The following GRIK2 variants were observed in gnomAD, a reference collection of about 807,000 sequenced individuals.
The protein encoded by GRIK2 is glutamate ionotropic receptor kainate type subunit 2.
In GRIK2, 32 loss-of-function variants were observed where a neutral mutation model predicts 100.3. The observed-to-expected ratio is 0.32, with a 90% CI of 0.24 to 0.43. GRIK2 has a LOEUF of 0.43. Among genes scored for constraint, GRIK2 ranks in the 20% least tolerant of loss-of-function variants. The pLI, the probability that GRIK2 is intolerant of heterozygous loss-of-function variation, is 1.00. For missense variants in GRIK2, 843 were observed against 1,114.9 expected, an observed-to-expected ratio of 0.76 and a Z score of 3.47; for synonymous variants, 417 against 389.4, an observed-to-expected ratio of 1.07 and a Z score of -0.83.
chr6:101,754,600 G>A (rs564437574), intron 7 of GRIK2, among the ~76,000 whole-genome samples: 2 of 152,276 alleles, frequency 1.3e-5, no homozygotes, highest in East Asian at 1.9e-4. Flanking sequence ...GTCTCACGAG[G>A]GAAATAGACA....
intron 7 of GRIK2, among the ~76,000 whole-genome samples, chr6:101,713,256 T>C (rs1773838399): frequency 6.6e-6 from 1 of 151,116 alleles, no homozygotes; most frequent in Admixed American, 6.6e-5. Context: ...CTGATTTGTA[T>C]GCATGAAAAA....
chr6:101,909,814 A>C (rs1027415749), intron 12 of GRIK2, among the ~76,000 whole-genome samples: 1 of 151,232 alleles, frequency 6.6e-6, no homozygotes, highest in Non-Finnish European at 1.5e-5. Context: ...ATTAATTCTC[A>C]TTAACCAGAA....
intron 4 of GRIK2, among the ~76,000 whole-genome samples, chr6:101,640,948 T>G (rs1483821255): frequency 1.3e-5 from 2 of 152,146 alleles, no homozygotes; most frequent in African/African-American, 4.8e-5. Flanking sequence ...CAAGCATAAT[T>G]TTTTAGTGAT....
intron 2 of GRIK2, among the ~76,000 whole-genome samples, chr6:101,451,031 G>A (rs535424020): frequency 1.3e-5 from 2 of 151,640 alleles, no homozygotes; most frequent in Admixed American, 6.6e-5. Flanking sequence ...CTCCTTTCCC[G>A]CTCTATTTTT....
intron 12 of GRIK2, among the ~76,000 whole-genome samples, chr6:101,915,637 GA>G (rs1199886250): frequency 1.1e-4 from 16 of 151,460 alleles, no homozygotes; most frequent in Non-Finnish European, 2.2e-4. Flanking sequence ...TTTTACAGAA[GA>G]TTCTTGTAGT....
chr6:101,777,935 C>A (rs747807205), intron 7 of GRIK2, among the ~76,000 whole-genome samples: 2 of 152,154 alleles, frequency 1.3e-5, no homozygotes, highest in Middle Eastern at 3.2e-3. Flanking sequence ...TTCACTGTAC[C>A]TCTGGGGGGT....
At position 102,060,903 on chromosome 6, in the gene GRIK2, A is replaced by G. The variant is rs1771717737; in HGVS notation, c.2562+5323A>G. On this transcript the variant is annotated intron_variant, in intron 16 of 16. Coordinates refer to ENST00000369134, the MANE Select transcript of GRIK2 (RefSeq NM_021956.5). ...TGTTGATTCTTGTCAGACCTTATGT[A>G]TTAATTTTTTAACTTGTTCTTCACA... Among the ~76,000 whole-genome samples the G allele has an allele frequency of 8.0e-5, 12 of 150,518 alleles. No homozygotes were observed. In the Admixed American group the frequency reaches 8.0e-4, roughly 10 times the overall value.
intron 2 of GRIK2, among the ~76,000 whole-genome samples, chr6:101,448,054 G>C (rs1165027103): frequency 6.6e-6 from 1 of 151,634 alleles, no homozygotes; most frequent in African/African-American, 2.4e-5. Flanking sequence ...GCCAGATCAA[G>C]CATTGGCTTG....
Position 102,055,442 on chromosome 6 carries a change from G to A in GRIK2, c.2424G>A (p.Glu808=), listed in dbSNP as rs2227283. 0.42 allele frequency: 670,105 copies of A among 1,612,412 alleles called. 141,700 individuals are homozygous for A. The highest frequency in any genetic ancestry group is 0.44 in the Middle Eastern group (2,684 of 6,056). The part of the protein sequence containing the change: ...WWRGNGCPEE[E]SKEASALGVQ... Reference sequence around the variant, plus strand: ...GGGGCAATGGTTGCCCAGAAGAGGAGAGCAAAGAGGCCAGTGCCCTGGGGG... The same window carrying A: ...GGGGCAATGGTTGCCCAGAAGAGGAAAGCAAAGAGGCCAGTGCCCTGGGGG... Residue 808 remains glutamate, a synonymous_variant, in exon 16 of 17, where the codon GAG becomes GAA. Transcript: ENST00000369134.
At chr6:101,833,406 T>G (rs1782831866) in intron 10 of GRIK2, among the ~76,000 whole-genome samples, 1 of 151,528 alleles carries the variant, frequency 6.6e-6, no homozygotes, top group Non-Finnish European at 1.5e-5. Flanking sequence ...AATTTTTTTT[T>G]GTATTTGTAG....
intron 7 of GRIK2, among the ~76,000 whole-genome samples, chr6:101,738,681 T>G (rs1775836664): frequency 6.6e-6 from 1 of 152,182 alleles, no homozygotes; most frequent in South Asian, 2.1e-4. Context: ...TTGGCACTAC[T>G]GACAATTTGG....
chr6:102,068,611 T>A lies in GRIK2; in HGVS notation c.*100T>A. 1.0e-6 allele frequency: 1 copy of A among 960,442 alleles called. No homozygotes were observed. Among genetic ancestry groups the A allele is most frequent in the Non-Finnish European group, 1.6e-6 (1 of 636,318 alleles). The allele number at this position is 960,442 out of a possible 1,614,324, so 59.5% of individuals were successfully genotyped here. A position where few individuals can be genotyped will look rare whatever the true frequency, so the allele number is the denominator to read the frequency against. On this transcript the variant is annotated 3_prime_UTR_variant, in exon 17 of 17. Coordinates refer to ENST00000369134, the MANE Select transcript of GRIK2 (RefSeq NM_021956.5). ...AATATGCAACCTGTGCAAAATAAAA[T>A]GAGTTACCTCATGCCGCTGTGTCTA...
At chr6:101,519,462 T>C (rs1489769554) in intron 2 of GRIK2, among the ~76,000 whole-genome samples, 1 of 152,010 alleles carries the variant, frequency 6.6e-6, no homozygotes, top group South Asian at 2.1e-4. Context: ...TTTATTGACA[T>C]GAAGAGACAG....
intron 2 of GRIK2, among the ~76,000 whole-genome samples, chr6:101,526,150 C>T (rs1326375716): frequency 6.6e-6 from 1 of 152,142 alleles, no homozygotes; most frequent in Non-Finnish European, 1.5e-5. Context: ...TGTGTGTTAT[C>T]CTTCACAATC....
intron 2 of GRIK2, among the ~76,000 whole-genome samples, chr6:101,554,557 A>G (rs983814892): frequency 1.3e-5 from 2 of 152,056 alleles, no homozygotes; most frequent in African/African-American, 4.8e-5. Context: ...CTTTATATCT[A>G]CTCCTGGCTA....
At chr6:101,677,864 A>G (rs1770954593) in intron 5 of GRIK2, among the ~76,000 whole-genome samples, 1 of 152,180 alleles carries the variant, frequency 6.6e-6, no homozygotes, top group South Asian at 2.1e-4. Context: ...TGTTTATCCA[A>G]TATTCCAATA....
intron 12 of GRIK2, chr6:101,891,516 CAA>C (rs5878701): frequency 0.055 from 10,583 of 191,052 alleles, no homozygotes; most frequent in South Asian, 0.064. Context: ...GACTCCATCT[CAA>C]AAAAAAAAAA....
intron 5 of GRIK2, among the ~76,000 whole-genome samples, chr6:101,681,310 G>T (rs775678080): frequency 6.6e-6 from 1 of 151,742 alleles, no homozygotes; most frequent in East Asian, 1.9e-4. Flanking sequence ...CTGCAGCCTC[G>T]ACTTTGGGAG....
At chr6:101,858,078 A>G (rs542017981) in intron 10 of GRIK2, among the ~76,000 whole-genome samples, 7 of 152,298 alleles carry the variant, frequency 4.6e-5, no homozygotes, top group African/African-American at 1.7e-4. Flanking sequence ...CCTTCTCTGA[A>G]AAGACTTTCA....
Sources: allele counts gnomAD v4.1 joint callset (sites outside exome capture counted in the v4.1 genomes callset), GRCh38; gene constraint gnomAD v4.1.1; transcripts MANE v1.5; gene names NCBI Gene and HGNC (gene_info 2026-07-23, HGNC 2026-07-21).